The following ARPP21 variants were observed in gnomAD, a reference collection of about 807,000 sequenced individuals.
ARPP21 encodes cAMP regulated phosphoprotein 21.
ARPP21 carries 69 observed loss-of-function variants against 113.2 expected under a neutral mutation model. The observed-to-expected ratio is 0.61, with a 90% CI of 0.50 to 0.74. The LOEUF (loss-of-function observed/expected upper bound fraction) is 0.74, where lower values mean the gene tolerates loss of function less well. ARPP21 is among the 30% of genes least tolerant of loss of function. ARPP21 has a pLI of 0.00. For synonymous variants in ARPP21, 368 were observed against 375.5 expected, an observed-to-expected ratio of 0.98 and a Z score of 0.23; for missense variants, 1,070 against 1,037.4, an observed-to-expected ratio of 1.03 and a Z score of -0.43.
intron 11 of ARPP21, 65 bp from the exon 12 acceptor site, chr3:35,715,374 C>A: frequency 1.5e-6 from 2 of 1,300,762 alleles, no homozygotes; most frequent in Non-Finnish European, 2.2e-6. Flanking sequence ...TAAAATCAGG[C>A]AAGTATTTGG....
At chr3:35,722,457 T>A (rs2093176908) in intron 14 of ARPP21, among the ~76,000 whole-genome samples, 1 of 152,210 alleles carries the variant, frequency 6.6e-6, no homozygotes. Flanking sequence ...AGAGTCAGTA[T>A]ACACAAAGCA....
intron 15 of ARPP21, among the ~76,000 whole-genome samples, chr3:35,734,514 A>G (rs555487285): frequency 6.6e-6 from 1 of 152,330 alleles, no homozygotes; most frequent in East Asian, 1.9e-4. Context: ...TGCAAATATA[A>G]TTCTGGCACA....
At chr3:35,644,653 A>G (rs1699476228) in intron 1 of ARPP21, among the ~76,000 whole-genome samples, 1 of 151,986 alleles carries the variant, frequency 6.6e-6, no homozygotes, top group Admixed American at 6.6e-5. Flanking sequence ...TGAAATAATT[A>G]CATCAAGACA....
intron 5 of ARPP21, among the ~76,000 whole-genome samples, chr3:35,687,488 C>T (rs931703993): frequency 6.6e-6 from 1 of 150,950 alleles, no homozygotes; most frequent in Admixed American, 6.6e-5. Flanking sequence ...AGGAATTCAA[C>T]TTGGTTAAGG....
chr3:35,782,962 G>T (rs1031788374), intron 19 of ARPP21, among the ~76,000 whole-genome samples: 1 of 151,898 alleles, frequency 6.6e-6, no homozygotes, highest in Non-Finnish European at 1.5e-5. Context: ...TGAGGTCACC[G>T]GTTTGTTTGT....
chr3:35,774,330 G>A (rs1440995251), intron 19 of ARPP21, among the ~76,000 whole-genome samples: 1 of 152,058 alleles, frequency 6.6e-6, no homozygotes, highest in Non-Finnish European at 1.5e-5. Flanking sequence ...TATACTTTGG[G>A]ATGTCATATC....
At chr3:35,704,705 C>A (rs1050332076) in intron 9 of ARPP21, among the ~76,000 whole-genome samples, 1 of 151,906 alleles carries the variant, frequency 6.6e-6, no homozygotes, top group Non-Finnish European at 1.5e-5. Context: ...CTTTTTTAAT[C>A]TGTCCCTGAA....
chr3:35,729,858 A>C (rs758463794), intron 15 of ARPP21, among the ~76,000 whole-genome samples: 1 of 152,208 alleles, frequency 6.6e-6, no homozygotes, highest in South Asian at 2.1e-4. Context: ...TGGTGTGATG[A>C]GTTGGGATAT....
At chr3:35,780,572 G>A (rs148375495) in intron 19 of ARPP21, among the ~76,000 whole-genome samples, 20 of 152,146 alleles carry the variant, frequency 1.3e-4, no homozygotes, top group African/African-American at 4.8e-4. Context: ...TACTTACTCT[G>A]TGAGGGAAAA....
At chr3:35,761,343 G>A (rs978658480) in intron 19 of ARPP21, among the ~76,000 whole-genome samples, 4 of 152,080 alleles carry the variant, frequency 2.6e-5, no homozygotes, top group Non-Finnish European at 5.9e-5. Context: ...TGAAAAATTT[G>A]ACATCTGGCT....
intron 19 of ARPP21, among the ~76,000 whole-genome samples, chr3:35,790,365 T>A (rs1416900704): frequency 6.6e-6 from 1 of 152,226 alleles, no homozygotes; most frequent in East Asian, 1.9e-4. Context: ...ATGTATATAA[T>A]AATTCATGCT....
chr3:35,739,231 G>T (rs2094525478), intron 17 of ARPP21, 86 bp from the exon 18 acceptor site: 3 of 1,472,764 alleles, frequency 2.0e-6, no homozygotes, highest in Non-Finnish European at 2.8e-6. Context: ...ACAACTCCAA[G>T]AATGTGTCCT....
chr3:35,660,675 G>C (rs943632360), intron 1 of ARPP21, among the ~76,000 whole-genome samples: 1 of 152,076 alleles, frequency 6.6e-6, no homozygotes, highest in Non-Finnish European at 1.5e-5. Context: ...ACTTCTTGGG[G>C]GATAATTATC....
At chr3:35,700,742 A>G (rs923213972) in intron 9 of ARPP21, among the ~76,000 whole-genome samples, 17 of 151,850 alleles carry the variant, frequency 1.1e-4, no homozygotes, top group Non-Finnish European at 2.4e-4. Flanking sequence ...GATCAAATAT[A>G]TTGAACCAAA....
chr3:35,693,485 G>A (rs2082872803), intron 9 of ARPP21, among the ~76,000 whole-genome samples: 1 of 151,618 alleles, frequency 6.6e-6, no homozygotes, highest in Non-Finnish European at 1.5e-5. Flanking sequence ...AAAAGAGGAT[G>A]AATTAAATCT....
intron 11 of ARPP21, among the ~76,000 whole-genome samples, chr3:35,709,816 C>T (rs1350305899): frequency 6.6e-6 from 1 of 152,162 alleles, no homozygotes; most frequent in Admixed American, 6.5e-5. Flanking sequence ...TGGGTTCTTC[C>T]CCCTGCGTCA....
chr3:35,782,070 T>C (rs893779082), intron 19 of ARPP21, among the ~76,000 whole-genome samples: 23 of 152,140 alleles, frequency 1.5e-4, no homozygotes, highest in African/African-American at 5.3e-4. Context: ...TAAGGAAAAA[T>C]CAGAGGAAAC....
intron 19 of ARPP21, chr3:35,784,738 G>A (rs891755160): frequency 2.0e-5 from 3 of 152,082 alleles, no homozygotes; most frequent in Admixed American, 6.6e-5. Context: ...GTCTGGAATC[G>A]AAGAAGTTAG....
chr3:35,729,533 A>C lies in ARPP21; in HGVS notation c.1456A>C (p.Thr486Pro). The C allele has an allele frequency of 6.2e-7, 1 of 1,612,700 alleles. No individual in the cohort carries two copies. Among genetic ancestry groups the C allele is most frequent in the Non-Finnish European group, 8.5e-7 (1 of 1,178,694 alleles). The change falls in exon 15 of 21, where the codon ACA becomes CCA. Residue 486 changes from threonine to proline, a missense_variant. Physicochemically the swap from Thr to Pro is conservative, Grantham distance 38. Transcript: ENST00000684406. ...TGGAAGCATCCTTCTTAATCCACACACAGGTGAGTTACTACCTGCTTTATC... is the reference window on the plus strand; with the variant it reads ...TGGAAGCATCCTTCTTAATCCACACCCAGGTGAGTTACTACCTGCTTTATC... ...PPGSILLNPH[T>P]GQPFVNPDGT...
Sources: allele counts gnomAD v4.1 joint callset (sites outside exome capture counted in the v4.1 genomes callset), GRCh38; gene constraint gnomAD v4.1.1; transcripts MANE v1.5; gene names NCBI Gene and HGNC (gene_info 2026-07-23, HGNC 2026-07-21).